Variants in DNAJC12 observed in about 807,000 individuals in gnomAD.
The protein encoded by DNAJC12 is DnaJ heat shock protein family (Hsp40) member C12.
Under a neutral mutation model 28.5 loss-of-function variants are expected in DNAJC12, and 25 were observed. The ratio of observed to expected loss-of-function variants is 0.88; its 90% CI spans 0.64 to 1.22. The LOEUF is 1.22. DNAJC12 is among the 50% of genes most tolerant of loss of function. DNAJC12 has a pLI of 0.00. For missense variants in DNAJC12, 222 were observed against 231.7 expected, an observed-to-expected ratio of 0.96 and a Z score of 0.27; for synonymous variants, 77 against 80.6, an observed-to-expected ratio of 0.95 and a Z score of 0.24.
At chr10:67,828,261 A>G (rs1218296737) in intron 1 of DNAJC12, among the ~76,000 whole-genome samples, 2 of 152,096 alleles carry the variant, frequency 1.3e-5, no homozygotes, top group East Asian at 1.9e-4. Context: ...ATTGAGACAT[A>G]TATGTTTGTA....
chr10:67,809,504 A>T (rs763773913), intron 3 of DNAJC12, among the ~76,000 whole-genome samples: 16 of 152,178 alleles, frequency 1.1e-4, no homozygotes, highest in Non-Finnish European at 1.8e-4. Flanking sequence ...TACCAATTAA[A>T]CTAGCAGGAG....
intron 4 of DNAJC12, among the ~76,000 whole-genome samples, chr10:67,798,275 A>C (rs1317569491): frequency 6.6e-6 from 1 of 152,142 alleles, no homozygotes; most frequent in Non-Finnish European, 1.5e-5. Context: ...CCATTATAGA[A>C]AAATGCTCAC....
At chr10:67,819,141 A>G (rs1375587362) in intron 2 of DNAJC12, among the ~76,000 whole-genome samples, 15 of 151,310 alleles carry the variant, frequency 9.9e-5, no homozygotes, top group South Asian at 6.3e-4. Flanking sequence ...AGACCACCCT[A>G]GCTAACAAGG....
At chr10:67,814,848 G>C (rs943064729) in intron 2 of DNAJC12, among the ~76,000 whole-genome samples, 9 of 152,146 alleles carry the variant, frequency 5.9e-5, no homozygotes, top group African/African-American at 2.2e-4. Flanking sequence ...AAAATTAAAG[G>C]ATAATAATTG....
chr10:67,802,838 CGT>C (rs71006167), intron 4 of DNAJC12, among the ~76,000 whole-genome samples: 20,467 of 142,526 alleles, frequency 0.14, 1,489 homozygotes, highest in East Asian at 0.35. Flanking sequence ...AGTTATTGTG[CGT>C]GTGTGTGTGT....
At chr10:67,824,885 C>G (rs1232010862) in intron 1 of DNAJC12, among the ~76,000 whole-genome samples, 2 of 152,198 alleles carry the variant, frequency 1.3e-5, no homozygotes, top group African/African-American at 4.8e-5. Flanking sequence ...AGGTGCCCAC[C>G]ACCACGCCTG....
intron 2 of DNAJC12, among the ~76,000 whole-genome samples, chr10:67,817,181 C>T (rs1841924758): frequency 6.6e-6 from 1 of 152,134 alleles, no homozygotes; most frequent in Non-Finnish European, 1.5e-5. Flanking sequence ...TTAAAATTGC[C>T]AGCATCCATT....
At chr10:67,813,421 C>G (rs1377796263) in intron 2 of DNAJC12, among the ~76,000 whole-genome samples, 1 of 151,994 alleles carries the variant, frequency 6.6e-6, no homozygotes, top group East Asian at 1.9e-4. Flanking sequence ...TAGCAATGAA[C>G]AATCTGAAAA....
intron 2 of DNAJC12, among the ~76,000 whole-genome samples, chr10:67,819,775 GA>G (rs1841964229): frequency 5.6e-5 from 1 of 17,778 alleles, no homozygotes; most frequent in African/African-American, 1.9e-4. Context: ...AGGAAGGAAG[GA>G]AGGGGAAGGA....
chr10:67,834,557 G>A (rs1390066654), intron 1 of DNAJC12, among the ~76,000 whole-genome samples: 4 of 152,312 alleles, frequency 2.6e-5, no homozygotes, highest in East Asian at 3.9e-4. Flanking sequence ...GGCCGGGCGC[G>A]GTGGCTCATG....
intron 1 of DNAJC12, among the ~76,000 whole-genome samples, chr10:67,836,678 G>C (rs945878230): frequency 2.6e-5 from 4 of 151,988 alleles, no homozygotes; most frequent in Non-Finnish European, 5.9e-5. Flanking sequence ...AAGCTATTCT[G>C]GGGGCGGGGC....
intron 2 of DNAJC12, among the ~76,000 whole-genome samples, chr10:67,816,960 G>A (rs1385261231): frequency 6.6e-6 from 1 of 152,064 alleles, no homozygotes; most frequent in Non-Finnish European, 1.5e-5. Context: ...CTGGGGCTCA[G>A]TGACACTATT....
At position 67,811,581 on chromosome 10, in the gene DNAJC12, C is replaced by T. The variant is rs1222336004; in HGVS notation, c.240G>A (p.Arg80=). Residue 80 remains arginine (R), a synonymous_variant, in exon 3 of 5, where the codon AGG becomes AGA. Coordinates refer to ENST00000225171, the MANE Select transcript of DNAJC12 (RefSeq NM_021800.3). ...ESRARYDHWR[R]SQMSMPFQQW... ...GCTGGAATGGCATCGACATCTGGCT[C>T]CTTCGCCAGTGGTCATAGCGGGCTC... 5 of 1,614,224 alleles carry T rather than the reference C, an allele frequency of 3.1e-6. No individual in the cohort carries two copies. The highest frequency in any genetic ancestry group is 3.3e-4 in the Middle Eastern group (2 of 6,062).
intron 1 of DNAJC12, among the ~76,000 whole-genome samples, chr10:67,826,927 A>G (rs888473390): frequency 3.7e-5 from 5 of 133,818 alleles, no homozygotes; most frequent in Non-Finnish European, 7.8e-5. Flanking sequence ...TATAATATAT[A>G]TATCATGATA....
At chr10:67,804,755 G>T (rs1445502749) in intron 4 of DNAJC12, among the ~76,000 whole-genome samples, 1 of 152,180 alleles carries the variant, frequency 6.6e-6, no homozygotes, top group Non-Finnish European at 1.5e-5. Flanking sequence ...TATTGGGCCG[G>T]GCATGGTGGC....
intron 4 of DNAJC12, among the ~76,000 whole-genome samples, chr10:67,800,617 G>A (rs1230209710): frequency 6.6e-6 from 1 of 151,962 alleles, no homozygotes; most frequent in African/African-American, 2.4e-5. Flanking sequence ...TAGTGCCCAG[G>A]GACACGGCAG....
intron 1 of DNAJC12, 73 bp downstream of exon 1, chr10:67,837,861 C>T: frequency 8.4e-7 from 1 of 1,194,422 alleles, no homozygotes; most frequent in African/African-American, 1.6e-5. Context: ...AAAGTTAAAA[C>T]CTTAAATAAA....
intron 4 of DNAJC12, among the ~76,000 whole-genome samples, chr10:67,804,984 A>G (rs375050803): frequency 6.6e-6 from 1 of 152,202 alleles, no homozygotes; most frequent in Non-Finnish European, 1.5e-5. Flanking sequence ...ATGAGCTGAG[A>G]TTATGCCACT....
intron 1 of DNAJC12, among the ~76,000 whole-genome samples, chr10:67,836,710 T>C (rs1456480105): frequency 6.6e-6 from 1 of 152,078 alleles, no homozygotes; most frequent in African/African-American, 2.4e-5. Flanking sequence ...TTTCAACGTG[T>C]CTAAGATAAC....
Sources: allele counts gnomAD v4.1 joint callset (sites outside exome capture counted in the v4.1 genomes callset), GRCh38; gene constraint gnomAD v4.1.1; transcripts MANE v1.5; gene names NCBI Gene and HGNC (gene_info 2026-07-23, HGNC 2026-07-21).